RSRP1: variants seen among roughly 807,000 people sequenced by gnomAD.
RSRP1 encodes arginine/serine-rich protein 1.
Under a neutral mutation model 33.0 loss-of-function variants are expected in RSRP1, and 37 were observed. The observed-to-expected ratio is 1.12, with a 90% CI of 0.86 to 1.48. The LOEUF (loss-of-function observed/expected upper bound fraction) is 1.48. Among genes scored for constraint, RSRP1 ranks in the 40% most tolerant of loss-of-function variants. The probability of loss-of-function intolerance (pLI) is 0.00; values close to 1 mark genes in which losing one functional copy is unlikely to be tolerated. For missense variants in RSRP1, 402 were observed against 385.3 expected (o/e 1.04, Z -0.36); for synonymous variants, 167 against 158.7 (o/e 1.05, Z -0.40).
At chr1:25,263,450 G>A (rs990621941) in intron 1 of RSRP1, among the ~76,000 whole-genome samples, 14 of 151,894 alleles carry the variant, frequency 9.2e-5, no homozygotes, top group South Asian at 2.1e-4. Context: ...CACGTCTTAC[G>A]TGGATGGCAG....
At chr1:25,251,520 C>T (rs1639780369), upstream of RSRP1, among the ~76,000 whole-genome samples, 1 of 151,994 alleles carries the variant, frequency 6.6e-6, no homozygotes, top group African/African-American at 2.4e-5. Context: ...CAGGCTTGTG[C>T]CATCATGCCT....
At chr1:25,329,875 AG>A (rs1310680979) in intron 1 of RSRP1, 1 of 130,490 alleles carries the variant, frequency 7.7e-6, no homozygotes, top group Non-Finnish European at 1.8e-5. Flanking sequence ...TAGTTTCACC[AG>A]GATCTCTTGG....
intron 3 of RSRP1, chr1:25,244,049 T>A (rs1639132106): frequency 8.4e-7 from 1 of 1,191,236 alleles, no homozygotes; most frequent in South Asian, 1.5e-5. Flanking sequence ...CAGATTCATT[T>A]AGATACAGCA....
At chr1:25,331,624 G>C (rs1333973938) in intron 1 of RSRP1, among the ~76,000 whole-genome samples, 2 of 108,684 alleles carry the variant, frequency 1.8e-5, no homozygotes, top group Non-Finnish European at 4.2e-5. Context: ...ATGGAGTGCA[G>C]TGGTGCAATC....
In RSRP1 at chr1:25,309,572, T is replaced by A. The variant is rs1185594196; in HGVS notation, c.-67+28406A>T. ...AATAAGTCTATTTGGAGAAAAAAAA[T>A]TTTAATAGCATCTCTGGAATGCCAG... On this transcript the variant is annotated intron_variant, in intron 1 of 1. Coordinates refer to the RSRP1 transcript ENST00000561867. Among the ~76,000 whole-genome samples, 15 of 128,662 alleles carry A rather than the reference T, an allele frequency of 1.2e-4. 2 individuals carry two copies. Among genetic ancestry groups the A allele is most frequent in the African/African-American group, 2.0e-4 (7 of 35,444 alleles). The allele number at this position is 128,662 out of a possible 152,430, so 84.4% of individuals were successfully genotyped here.
upstream of RSRP1, among the ~76,000 whole-genome samples, chr1:25,251,696 T>A (rs1016701476): frequency 6.6e-6 from 1 of 152,138 alleles, no homozygotes; most frequent in African/African-American, 2.4e-5. Flanking sequence ...TTAATTTTAA[T>A]GACAAAACTA....
intron 1 of RSRP1, chr1:25,266,270 A>G (rs914360643): frequency 7.6e-6 from 1 of 131,308 alleles, no homozygotes; most frequent in African/African-American, 2.6e-5. Flanking sequence ...AGGCCACAAA[A>G]GAGAAAAAAG....
intron 1 of RSRP1, among the ~76,000 whole-genome samples, chr1:25,287,288 G>A (rs937836591): frequency 7.5e-6 from 1 of 133,214 alleles, no homozygotes; most frequent in Non-Finnish European, 1.8e-5. Context: ...TCAGCCTCCT[G>A]CCCCACAGTC....
At position 25,334,451 on chromosome 1, in the gene RSRP1, A is replaced by C. The variant is rs149417053; in HGVS notation, c.-67+3527T>G. 3.7e-4 allele frequency among the ~76,000 whole-genome samples: 48 copies of C among 130,050 alleles called. 4 individuals are homozygous for C. The highest frequency in any genetic ancestry group is 1.3e-3 in the African/African-American group (48 of 37,720). The allele number at this position is 130,050 out of a possible 152,430, so 85.3% of individuals were successfully genotyped here. On this transcript the variant is annotated intron_variant, in intron 1 of 1. Transcript: ENST00000561867. Reference sequence around the variant, plus strand: ...CATGGGCTGGCATTGAGTGTCTGCAACTTTTCCAGGTACACGGTGCAAGCT... The same window carrying C: ...CATGGGCTGGCATTGAGTGTCTGCACCTTTTCCAGGTACACGGTGCAAGCT...
intron 1 of RSRP1, among the ~76,000 whole-genome samples, chr1:25,293,299 G>T (rs1303617170): frequency 3.9e-5 from 5 of 128,036 alleles, no homozygotes; most frequent in Admixed American, 3.8e-4. Context: ...TGGAAAGCAG[G>T]AGTGGGATTT....
rs754434105 is a variant in RSRP1, at chr1:25,243,508, C to G, written c.756+42G>C. The G allele has an allele frequency of 5.6e-6, 9 of 1,603,580 alleles. No individual in the cohort carries two copies. In the African/African-American group the frequency reaches 1.1e-4, roughly 19 times the overall value. ...AAACACAAAGATGCAAAAATACATC[C>G]TAAATCCAATTTTTGAGTGTTCAAT... is the stretch of plus-strand genomic sequence containing the variant. On this transcript the variant is annotated intron_variant, in intron 4 of 4. Transcript: ENST00000243189.
chr1:25,336,942 A>G (rs1270428266), intron 1 of RSRP1: 1 of 152,034 alleles, frequency 6.6e-6, no homozygotes, highest in Non-Finnish European at 1.5e-5. Flanking sequence ...CCATCAAAGG[A>G]AACAACAGTC....
chr1:25,291,241 G>A lies in RSRP1; in HGVS notation c.-66-44212C>T, dbSNP rs538563037. Reference sequence around the variant, plus strand: ...CCCAGCACTTTGGGAGGCCAAGGAGGGCAGATCACCTGAGGTCAGGAGTTC... The same window carrying A: ...CCCAGCACTTTGGGAGGCCAAGGAGAGCAGATCACCTGAGGTCAGGAGTTC... On this transcript the variant is annotated intron_variant, in intron 1 of 1. Transcript: ENST00000561867. 4.6e-5 allele frequency among the ~76,000 whole-genome samples: 6 copies of A among 130,640 alleles called. No individual in the cohort carries two copies. In the South Asian group the frequency reaches 1.4e-3, roughly 31 times the overall value. 85.7% of individuals were successfully genotyped at this position (130,640 alleles called of 152,430 possible).
At chr1:25,260,342 G>A (rs1256235934) in intron 1 of RSRP1, among the ~76,000 whole-genome samples, 2 of 152,232 alleles carry the variant, frequency 1.3e-5, no homozygotes, top group Non-Finnish European at 2.9e-5. Flanking sequence ...AAATGTGACT[G>A]TGAATTTTTT....
chr1:25,278,781 C>T (rs1641229723), intron 1 of RSRP1, among the ~76,000 whole-genome samples: 1 of 130,862 alleles, frequency 7.6e-6, no homozygotes, highest in Admixed American at 7.5e-5. Context: ...ACTCCAAACC[C>T]TGGCACCTTC....
At position 25,242,759 on chromosome 1, in the gene RSRP1, CA is replaced by C. The variant is rs1327071912; in HGVS notation, c.757-55del. On this transcript the variant is annotated intron_variant, in intron 4 of 4. Coordinates refer to ENST00000243189, the MANE Select transcript of RSRP1 (RefSeq NM_020317.5). Reference sequence around the variant, plus strand: ...CCAAACATACATTGTACACTTTTTTCACAAAAAAAAGTACATTAAATAATCC... The same window carrying C: ...CCAAACATACATTGTACACTTTTTTCCAAAAAAAAGTACATTAAATAATCC... 6 of 1,241,510 alleles carry C rather than the reference CA, an allele frequency of 4.8e-6. No individual in the cohort carries two copies. The East Asian group carries it at 1.2e-4, about 24-fold the overall frequency. The allele number at this position is 1,241,510 out of a possible 1,614,324, so 76.9% of individuals were successfully genotyped here. A position where few individuals can be genotyped will look rare whatever the true frequency, so the allele number is the denominator to read the frequency against.
intron 1 of RSRP1, among the ~76,000 whole-genome samples, chr1:25,273,290 C>A: frequency 8.1e-6 from 1 of 123,234 alleles, no homozygotes; most frequent in Admixed American, 8.0e-5. Context: ...AGGGCACCAC[C>A]ATGCCTGGCT....
At chr1:25,250,225 G>T (rs1489461955), upstream of RSRP1, among the ~76,000 whole-genome samples, 1 of 152,122 alleles carries the variant, frequency 6.6e-6, no homozygotes, top group African/African-American at 2.4e-5. Flanking sequence ...TAAATGCGGG[G>T]GCTTTAGGTA....
At chr1:25,276,868 C>A (rs1557512968) in intron 1 of RSRP1, among the ~76,000 whole-genome samples, 1 of 131,874 alleles carries the variant, frequency 7.6e-6, no homozygotes, top group Non-Finnish European at 1.8e-5. Flanking sequence ...AGATGGAGAC[C>A]ATCCTGGCTA....
Sources: allele counts gnomAD v4.1 joint callset (sites outside exome capture counted in the v4.1 genomes callset), GRCh38; gene constraint gnomAD v4.1.1; transcripts MANE v1.5; gene names NCBI Gene and HGNC (gene_info 2026-07-23, HGNC 2026-07-21).